Variants in KCNK2 observed in about 807,000 individuals in gnomAD.
KCNK2 encodes the protein potassium two pore domain channel subfamily K member 2, also known as potassium channel subfamily K member 2.
In KCNK2, 21 loss-of-function variants were observed where a neutral mutation model predicts 40.5. That is an observed-to-expected ratio of 0.52 (90% CI 0.37 to 0.75). The LOEUF is 0.75. Ranked by LOEUF, KCNK2 falls within the 30% of genes least tolerant of loss-of-function variation. The probability of loss-of-function intolerance (pLI) is 0.00; values close to 1 mark genes in which losing one functional copy is unlikely to be tolerated. For synonymous variants in KCNK2, 191 were observed against 202.2 expected, an observed-to-expected ratio of 0.94 and a Z score of 0.47; for missense variants, 399 against 531.6, an observed-to-expected ratio of 0.75 and a Z score of 2.45.
In KCNK2 at chr1:215,234,887, A is replaced by G; in HGVS notation, c.1023A>G (p.Lys341=). 1.2e-6 allele frequency: 2 copies of G among 1,614,148 alleles called. No individual in the cohort carries two copies. The highest frequency in any genetic ancestry group is 1.7e-5 in the Admixed American group (1 of 60,020). ...EWTANVTAEF[K]ETRRRLSVEI... The stretch of plus-strand genomic sequence containing the variant: ...CAGCCAACGTCACAGCCGAATTCAA[A>G]GAAACCAGGAGGCGACTGAGTGTGG... The change falls in exon 7 of 7, where the codon AAA becomes AAG. Residue 341 remains lysine, a synonymous_variant. Transcript: ENST00000444842.
intron 1 of KCNK2, among the ~76,000 whole-genome samples, chr1:215,010,269 A>G (rs1656330127): frequency 6.6e-6 from 1 of 152,208 alleles, no homozygotes; most frequent in South Asian, 2.1e-4. Flanking sequence ...AATTTTTTAT[A>G]TGAGTAGCTA....
At position 215,148,402 on chromosome 1, in the gene KCNK2, T is replaced by A. The variant is rs183772864; in HGVS notation, c.476-20797T>A. Among the ~76,000 whole-genome samples the A allele has an allele frequency of 2.5e-3, 381 of 152,174 alleles. 1 individual carries two copies. The highest frequency in any genetic ancestry group is 2.3e-3 in the Non-Finnish European group (158 of 67,986). ...TAATTATTTTTAAGGGTGTTTTTTT[T>A]AAATATGTACGTATCAATAATTTTG... On this transcript the variant is annotated intron_variant, in intron 3 of 6. Transcript: ENST00000444842.
At chr1:215,184,973 T>G (rs1664374407) in intron 5 of KCNK2, among the ~76,000 whole-genome samples, 1 of 152,170 alleles carries the variant, frequency 6.6e-6, no homozygotes, top group Non-Finnish European at 1.5e-5. Flanking sequence ...GAAAAAAATA[T>G]TTTTCTTTAT....
intron 5 of KCNK2, among the ~76,000 whole-genome samples, chr1:215,186,794 C>T (rs1664456874): frequency 1.3e-5 from 2 of 152,116 alleles, no homozygotes; most frequent in South Asian, 4.1e-4. Flanking sequence ...TCTCAGTGCT[C>T]AGTGTTCTGG....
At chr1:215,111,148 G>C (rs1660666244) in intron 2 of KCNK2, among the ~76,000 whole-genome samples, 1 of 152,110 alleles carries the variant, frequency 6.6e-6, no homozygotes, top group South Asian at 2.1e-4. Context: ...TTTTCTGCAT[G>C]TCTTTTCATG....
chr1:215,117,031 C>A (rs1571631375), intron 2 of KCNK2, among the ~76,000 whole-genome samples: 1 of 151,938 alleles, frequency 6.6e-6, no homozygotes, highest in South Asian at 2.1e-4. Flanking sequence ...GAAAATCTAA[C>A]ATTTGTCAGT....
Position 215,037,002 on chromosome 1 carries a change from CT to C in KCNK2, c.34+31062del, listed in dbSNP as rs3033912. Among the ~76,000 whole-genome samples, 259 of 125,818 alleles carry C rather than the reference CT, an allele frequency of 2.1e-3. 2 individuals carry two copies. Among genetic ancestry groups the C allele is most frequent in the African/African-American group, 6.0e-3 (200 of 33,356 alleles). The allele number at this position is 125,818 out of a possible 152,430, so 82.5% of individuals were successfully genotyped here. A position where few individuals can be genotyped will look rare whatever the true frequency, so the allele number is the denominator to read the frequency against. ...TTTTCATTCTTAATGCCTTTTATTC[CT>C]TTTTTTTTTTTTTTGCCTTATTGTA... On this transcript the variant is annotated intron_variant, in intron 1 of 6. Transcript: ENST00000391895.
chr1:215,007,053 A>C (rs1414548570), intron 1 of KCNK2, among the ~76,000 whole-genome samples: 1 of 112,170 alleles, frequency 8.9e-6, no homozygotes, highest in Admixed American at 8.8e-5. Flanking sequence ...GTGTGTGTAT[A>C]TATATATGTG....
intron 6 of KCNK2, among the ~76,000 whole-genome samples, chr1:215,226,003 C>A (rs941967851): frequency 1.3e-5 from 2 of 152,122 alleles, no homozygotes; most frequent in Non-Finnish European, 1.5e-5. Context: ...CCTTCTTAGG[C>A]CACCCTATCA....
Position 215,207,892 on chromosome 1 carries a change from G to C in KCNK2, c.963+12800G>C, listed in dbSNP as rs114074021. ...CAACAGATGCTGGTTAAGTCATGGA[G>C]AAAAAGGAACACTTACACACCGTTG... On this transcript the variant is annotated intron_variant, in intron 6 of 6. Coordinates refer to ENST00000444842, the MANE Select transcript of KCNK2 (RefSeq NM_001017425.3). 8.2e-3 allele frequency among the ~76,000 whole-genome samples: 1,243 copies of C among 152,286 alleles called. 24 individuals carry two copies. Among genetic ancestry groups the C allele is most frequent in the African/African-American group, 0.028 (1,162 of 41,552 alleles).
chr1:215,157,356 T>C (rs1272489566), intron 3 of KCNK2, among the ~76,000 whole-genome samples: 2 of 152,176 alleles, frequency 1.3e-5, no homozygotes, highest in African/African-American at 2.4e-5. Flanking sequence ...AAACAGCTGC[T>C]AAGCCAGCTG....
At chr1:215,073,257 G>A (rs1169493472) in intron 1 of KCNK2, among the ~76,000 whole-genome samples, 4 of 152,108 alleles carry the variant, frequency 2.6e-5, no homozygotes, top group Admixed American at 2.0e-4. Context: ...CTTCTACTCC[G>A]CAGACCACAT....
chr1:215,141,812 G>A (rs1662185515), intron 3 of KCNK2, among the ~76,000 whole-genome samples: 1 of 151,944 alleles, frequency 6.6e-6, no homozygotes, highest in South Asian at 2.1e-4. Context: ...CATTTTTTAA[G>A]AGATTTTTTA....
At chr1:215,112,926 C>T (rs1284378362) in intron 2 of KCNK2, among the ~76,000 whole-genome samples, 1 of 152,100 alleles carries the variant, frequency 6.6e-6, no homozygotes, top group African/African-American at 2.4e-5. Context: ...TATCACATTT[C>T]TCACTATCGC....
At chr1:215,122,846 A>G (rs1482959895) in intron 2 of KCNK2, among the ~76,000 whole-genome samples, 2 of 146,894 alleles carry the variant, frequency 1.4e-5, no homozygotes, top group East Asian at 4.0e-4. Flanking sequence ...CCGGGTTCAC[A>G]CCATTCTCCT....
At chr1:215,080,204 A>G (rs1183702807), upstream of KCNK2, among the ~76,000 whole-genome samples, 2 of 152,212 alleles carry the variant, frequency 1.3e-5, no homozygotes, top group Non-Finnish European at 2.9e-5. Flanking sequence ...TAATTTATTA[A>G]ACAGGCATAT....
intron 3 of KCNK2, among the ~76,000 whole-genome samples, chr1:215,134,576 G>A (rs1469839425): frequency 6.6e-6 from 1 of 152,092 alleles, no homozygotes; most frequent in Non-Finnish European, 1.5e-5. Context: ...TCTAAGTGTG[G>A]TTGATTATCA....
chr1:215,170,935 A>T (rs182094136), intron 4 of KCNK2, among the ~76,000 whole-genome samples: 1 of 152,240 alleles, frequency 6.6e-6, no homozygotes, highest in African/African-American at 2.4e-5. Flanking sequence ...ATCATGGTTC[A>T]GTGTTTGGTA....
chr1:215,108,310 G>T (rs1660527978), intron 2 of KCNK2, among the ~76,000 whole-genome samples: 1 of 152,028 alleles, frequency 6.6e-6, no homozygotes, highest in East Asian at 1.9e-4. Context: ...ATATGTGTAG[G>T]TTATATGCAA....
Sources: allele counts gnomAD v4.1 joint callset (sites outside exome capture counted in the v4.1 genomes callset), GRCh38; gene constraint gnomAD v4.1.1; transcripts MANE v1.5; gene names NCBI Gene and HGNC (gene_info 2026-07-23, HGNC 2026-07-21).